MEF2A: variants seen among roughly 807,000 people sequenced by gnomAD.
MEF2A encodes myocyte-specific enhancer factor 2A.
MEF2A carries 28 observed loss-of-function variants against 55.8 expected under a neutral mutation model. The ratio of observed to expected loss-of-function variants is 0.50; its 90% CI spans 0.37 to 0.69. The LOEUF is 0.69. Among genes scored for constraint, MEF2A ranks in the 30% least tolerant of loss-of-function variants. The pLI is 0.00. For synonymous variants in MEF2A, 239 were observed against 227.1 expected (o/e 1.05, Z -0.47); for missense variants, 528 against 626.2 (o/e 0.84, Z 1.67).
intron 9 of MEF2A, 44 bp from the exon 10 acceptor site, chr15:99,706,685 T>C (rs1181676201): frequency 1.9e-6 from 3 of 1,601,144 alleles, no homozygotes; most frequent in East Asian, 4.5e-5. Flanking sequence ...TAAGTCAACA[T>C]AAATACCACA....
At chr15:99,614,225 A>G (rs916871310) in intron 2 of MEF2A, among the ~76,000 whole-genome samples, 1 of 152,232 alleles carries the variant, frequency 6.6e-6, no homozygotes, top group African/African-American at 2.4e-5. Flanking sequence ...ATAAATATTA[A>G]GTTACCTTCC....
At chr15:99,688,003 GC>G (rs1045016206) in intron 7 of MEF2A, among the ~76,000 whole-genome samples, 1 of 152,120 alleles carries the variant, frequency 6.6e-6, no homozygotes, top group Non-Finnish European at 1.5e-5. Flanking sequence ...AACTTAAGAG[GC>G]CTGTTTGGCT....
intron 9 of MEF2A, among the ~76,000 whole-genome samples, chr15:99,703,671 A>G (rs979923691): frequency 6.6e-6 from 1 of 152,098 alleles, no homozygotes; most frequent in African/African-American, 2.4e-5. Context: ...TTTTAAGGAA[A>G]GATACAAAAT....
chr15:99,615,518 C>T (rs1434184466), intron 2 of MEF2A, among the ~76,000 whole-genome samples: 2 of 152,162 alleles, frequency 1.3e-5, no homozygotes, highest in Non-Finnish European at 2.9e-5. Flanking sequence ...TGTGTTATCT[C>T]TTAATCTTTA....
intron 9 of MEF2A, among the ~76,000 whole-genome samples, chr15:99,704,204 C>G (rs1567496296): frequency 6.6e-6 from 1 of 152,130 alleles, no homozygotes; most frequent in Non-Finnish European, 1.5e-5. Flanking sequence ...AGGAAGGCAT[C>G]CGTTGGTTTT....
intron 4 of MEF2A, among the ~76,000 whole-genome samples, chr15:99,657,199 A>G (rs1416334841): frequency 6.6e-6 from 1 of 151,996 alleles, no homozygotes; most frequent in African/African-American, 2.4e-5. Context: ...TGGTATGGGT[A>G]TAAGTTTTCA....
intron 1 of MEF2A, among the ~76,000 whole-genome samples, chr15:99,587,022 A>G (rs1967536597): frequency 6.6e-6 from 1 of 152,024 alleles, no homozygotes; most frequent in Non-Finnish European, 1.5e-5. Context: ...ACTGTATTAA[A>G]TAGTCTTAAA....
At chr15:99,674,867 C>T (rs2051616550) in intron 6 of MEF2A, among the ~76,000 whole-genome samples, 1 of 152,118 alleles carries the variant, frequency 6.6e-6, no homozygotes, top group African/African-American at 2.4e-5. Context: ...CATACTTTGA[C>T]AGGCAGAAAA....
intron 1 of MEF2A, among the ~76,000 whole-genome samples, chr15:99,594,400 G>A (rs923213509): frequency 3.3e-5 from 5 of 151,610 alleles, no homozygotes; most frequent in Admixed American, 1.3e-4. Context: ...TTGTGCTACC[G>A]TCTAGGAACC....
At chr15:99,578,226 C>T (rs568319085) in intron 1 of MEF2A, among the ~76,000 whole-genome samples, 1 of 152,168 alleles carries the variant, frequency 6.6e-6, no homozygotes, top group Non-Finnish European at 1.5e-5. Flanking sequence ...TATTAAAATT[C>T]TTCAGTGAAG....
Position 99,671,081 on chromosome 15 carries a change from T to C in MEF2A, c.259-242T>C, listed in dbSNP as rs566612146. ...GAGTCATTTAGTATTTTGAGAAGTT[T>C]AGAAAGGAAGAATCCAAACAAATAT... On this transcript the variant is annotated intron_variant, in intron 4 of 11. Transcript: ENST00000557942. Among the ~76,000 whole-genome samples, 8 of 152,368 alleles carry C rather than the reference T, an allele frequency of 5.3e-5. No homozygotes were observed. In the East Asian group the frequency reaches 1.3e-3, roughly 26 times the overall value.
chr15:99,683,922 T>C (rs2053729117), intron 7 of MEF2A, among the ~76,000 whole-genome samples: 1 of 152,074 alleles, frequency 6.6e-6, no homozygotes, highest in Non-Finnish European at 1.5e-5. Context: ...TGCATCCTCA[T>C]AGCTTAGCTC....
chr15:99,694,816 A>C (rs1267011130), intron 8 of MEF2A, among the ~76,000 whole-genome samples: 2 of 152,094 alleles, frequency 1.3e-5, no homozygotes, highest in East Asian at 3.8e-4. Context: ...CTTCTCTCTC[A>C]TTTATTCAAC....
At chr15:99,701,219 G>A (rs994328871) in intron 8 of MEF2A, among the ~76,000 whole-genome samples, 8 of 152,212 alleles carry the variant, frequency 5.3e-5, no homozygotes, top group African/African-American at 1.9e-4. Context: ...ACCAGTAATG[G>A]GACATAAAGA....
chr15:99,566,820 C>T (rs940612571), intron 1 of MEF2A, among the ~76,000 whole-genome samples: 1 of 151,814 alleles, frequency 6.6e-6, no homozygotes, highest in Non-Finnish European at 1.5e-5. Flanking sequence ...GGGGCGGACA[C>T]CTGCGGTTGC....
At chr15:99,613,911 C>T (rs1452321330) in intron 2 of MEF2A, among the ~76,000 whole-genome samples, 2 of 152,194 alleles carry the variant, frequency 1.3e-5, no homozygotes, top group East Asian at 3.8e-4. Context: ...GTACCATAAA[C>T]TCATGAAATT....
chr15:99,585,033 A>T (rs1395929208), intron 1 of MEF2A, among the ~76,000 whole-genome samples: 3 of 152,140 alleles, frequency 2.0e-5, no homozygotes, highest in African/African-American at 7.2e-5. Flanking sequence ...TACCTTCTCC[A>T]TCCACTAGCT....
chr15:99,573,562 A>G (rs575598119), intron 1 of MEF2A, among the ~76,000 whole-genome samples: 1 of 152,266 alleles, frequency 6.6e-6, no homozygotes, highest in Non-Finnish European at 1.5e-5. Context: ...TGAAATGCAT[A>G]TCTCTGTTGT....
intron 2 of MEF2A, among the ~76,000 whole-genome samples, chr15:99,598,733 C>T (rs2153046691): frequency 1.3e-5 from 2 of 152,100 alleles, no homozygotes; most frequent in South Asian, 4.1e-4. Context: ...CTGCTGAAAT[C>T]ATCTCATATT....
Sources: gnomAD v4.1 joint callset for allele counts (sites outside exome capture counted in the v4.1 genomes callset) on GRCh38, gnomAD v4.1.1 for gene constraint, MANE v1.5 for transcripts, NCBI Gene and HGNC (gene_info 2026-07-23, HGNC 2026-07-21) for gene names.